Variants in GABRG3 observed in about 807,000 individuals in gnomAD.
The protein encoded by GABRG3 is gamma-aminobutyric acid type A receptor subunit gamma3.
In GABRG3, 25 loss-of-function variants were observed where a neutral mutation model predicts 48.8. That is an observed-to-expected ratio of 0.51 (90% CI 0.37 to 0.72). The LOEUF (loss-of-function observed/expected upper bound fraction) is 0.72. Among genes scored for constraint, GABRG3 ranks in the 30% least tolerant of loss-of-function variants. GABRG3 has a pLI of 0.00. For synonymous variants in GABRG3, 227 were observed against 217.6 expected (o/e 1.04, Z -0.38); for missense variants, 394 against 577.9 (o/e 0.68, Z 3.26).
At chr15:27,098,439 CCAA>C (rs1394418607) in intron 3 of GABRG3, among the ~76,000 whole-genome samples, 1 of 152,104 alleles carries the variant, frequency 6.6e-6, no homozygotes, top group African/African-American at 2.4e-5. Flanking sequence ...GTCTCAAAAA[CCAA>C]CAACAACAAA....
chr15:27,038,856 A>G (rs894596895), intron 3 of GABRG3, among the ~76,000 whole-genome samples: 2 of 152,160 alleles, frequency 1.3e-5, no homozygotes, highest in African/African-American at 4.8e-5. Flanking sequence ...GTCAGGAAGA[A>G]ACTGATCTCC....
chr15:27,244,744 C>T (rs572432961), intron 3 of GABRG3, among the ~76,000 whole-genome samples: 6 of 152,266 alleles, frequency 3.9e-5, no homozygotes, highest in Non-Finnish European at 5.9e-5. Context: ...GATTGTGCCA[C>T]TGCCCTCCAG....
chr15:27,361,484 A>G (rs1895022231), intron 5 of GABRG3, among the ~76,000 whole-genome samples: 2 of 152,214 alleles, frequency 1.3e-5, no homozygotes, highest in African/African-American at 4.8e-5. Context: ...TGAAAGGAAT[A>G]GTATTATTTT....
At chr15:27,385,042 G>C (rs1895881151) in intron 5 of GABRG3, among the ~76,000 whole-genome samples, 1 of 152,140 alleles carries the variant, frequency 6.6e-6, no homozygotes, top group African/African-American at 2.4e-5. Flanking sequence ...TCCCGAAAAT[G>C]TTCCTCCTGC....
At chr15:27,251,706 AG>A (rs1487087755) in intron 3 of GABRG3, among the ~76,000 whole-genome samples, 1 of 152,218 alleles carries the variant, frequency 6.6e-6, no homozygotes, top group African/African-American at 2.4e-5. Context: ...TTCTAAAAAA[AG>A]TAACTGTGTA....
At chr15:27,220,848 C>T (rs373537560) in intron 3 of GABRG3, among the ~76,000 whole-genome samples, 40 of 152,114 alleles carry the variant, frequency 2.6e-4, no homozygotes, top group African/African-American at 8.7e-4. Flanking sequence ...GTGGCAGGGC[C>T]CTAAGGGGGA....
intron 5 of GABRG3, among the ~76,000 whole-genome samples, chr15:27,464,840 A>G (rs375916366): frequency 2.0e-5 from 3 of 152,148 alleles, no homozygotes; most frequent in African/African-American, 7.2e-5. Context: ...AAAGTTCTTC[A>G]TATATTCTGG....
chr15:27,392,816 A>T (rs533942046), intron 5 of GABRG3, among the ~76,000 whole-genome samples: 1 of 152,288 alleles, frequency 6.6e-6, no homozygotes, highest in South Asian at 2.1e-4. Context: ...ATAACCCAAC[A>T]TTACTGTATT....
In GABRG3 at chr15:27,456,576, C is replaced by G. The variant is rs908363510; in HGVS notation, c.575-24074C>G. 2.0e-5 allele frequency among the ~76,000 whole-genome samples: 3 copies of G among 152,196 alleles called. No individual in the cohort carries two copies. The East Asian group carries it at 5.8e-4, about 29-fold the overall frequency. ...GGAGTCCACCAGTGGGTCGAGAATGCAGAGGTTCAGCATTCCCTCCCCTCC... is the reference window on the plus strand; with the variant it reads ...GGAGTCCACCAGTGGGTCGAGAATGGAGAGGTTCAGCATTCCCTCCCCTCC... On this transcript the variant is annotated intron_variant, in intron 5 of 9. Transcript: ENST00000615808.
At chr15:27,414,713 A>G (rs1436140501) in intron 5 of GABRG3, among the ~76,000 whole-genome samples, 8 of 152,168 alleles carry the variant, frequency 5.3e-5, no homozygotes. Context: ...ATGAGCTGTC[A>G]TGTCCCATGT....
At chr15:27,349,977 T>G (rs2140535110) in intron 5 of GABRG3, 1 of 313,910 alleles carries the variant, frequency 3.2e-6, no homozygotes, top group East Asian at 8.3e-5. Flanking sequence ...AAAACCTAAC[T>G]TTCCCATCGG....
At chr15:27,196,633 T>G (rs1888504639) in intron 3 of GABRG3, among the ~76,000 whole-genome samples, 1 of 152,224 alleles carries the variant, frequency 6.6e-6, no homozygotes, top group Non-Finnish European at 1.5e-5. Flanking sequence ...AATTCCTACT[T>G]GGATCCTCTG....
At chr15:27,345,950 G>T (rs1428951659) in intron 5 of GABRG3, among the ~76,000 whole-genome samples, 1 of 151,820 alleles carries the variant, frequency 6.6e-6, no homozygotes, top group Admixed American at 6.6e-5. Flanking sequence ...CTACCCAGGA[G>T]GCTGAGGCAC....
At chr15:27,053,196 C>G (rs1013302676) in intron 3 of GABRG3, among the ~76,000 whole-genome samples, 4 of 152,150 alleles carry the variant, frequency 2.6e-5, no homozygotes, top group African/African-American at 9.7e-5. Flanking sequence ...TGTACAGCAA[C>G]AGAAACTATC....
intron 2 of GABRG3, among the ~76,000 whole-genome samples, chr15:26,978,162 A>G (rs190067886): frequency 1.3e-5 from 2 of 151,736 alleles, no homozygotes; most frequent in Non-Finnish European, 2.9e-5. Context: ...TTGTCCCTTC[A>G]TGTTATTTGC....
chr15:27,030,386 T>C (rs1405575380), intron 3 of GABRG3, among the ~76,000 whole-genome samples: 3 of 152,216 alleles, frequency 2.0e-5, no homozygotes, highest in African/African-American at 7.2e-5. Context: ...GGAGTGGAAA[T>C]GAAGTTGTGT....
chr15:27,154,592 T>C (rs998292837), intron 3 of GABRG3, among the ~76,000 whole-genome samples: 3 of 152,232 alleles, frequency 2.0e-5, no homozygotes, highest in African/African-American at 7.2e-5. Flanking sequence ...TATCCAATCA[T>C]GTTATTTTTC....
At chr15:27,121,228 T>C (rs1897725580) in intron 3 of GABRG3, among the ~76,000 whole-genome samples, 1 of 152,220 alleles carries the variant, frequency 6.6e-6, no homozygotes, top group Non-Finnish European at 1.5e-5. Flanking sequence ...GTTAATTTTC[T>C]CACCAACAGA....
chr15:27,125,317 G>A (rs1388021010), intron 3 of GABRG3, among the ~76,000 whole-genome samples: 1 of 152,206 alleles, frequency 6.6e-6, no homozygotes, highest in Non-Finnish European at 1.5e-5. Context: ...CGGAAGCAGA[G>A]AGGAGAATAG....
Sources: allele counts gnomAD v4.1 joint callset (sites outside exome capture counted in the v4.1 genomes callset), GRCh38; gene constraint gnomAD v4.1.1; transcripts MANE v1.5; gene names NCBI Gene and HGNC (gene_info 2026-07-23, HGNC 2026-07-21).